Variants in CHST11 observed in about 807,000 individuals in gnomAD.
The protein encoded by CHST11 is carbohydrate sulfotransferase 11.
In CHST11, 9 loss-of-function variants were observed where a neutral mutation model predicts 30.4. That is an observed-to-expected ratio of 0.30 (90% CI 0.18 to 0.52). CHST11 has a LOEUF of 0.52. Ranked by LOEUF, CHST11 falls within the 20% of genes least tolerant of loss-of-function variation. CHST11 has a pLI of 0.97. For synonymous variants in CHST11, 152 were observed against 187.8 expected (o/e 0.81, Z 1.56); for missense variants, 348 against 460.6 (o/e 0.76, Z 2.24).
rs911831775 is a variant in CHST11 at position 104,691,777 on chromosome 12, C to T, written c.205-65172C>T. Among the ~76,000 whole-genome samples the T allele has an allele frequency of 3.9e-5, 6 of 152,140 alleles. No homozygotes were observed. In the South Asian group the frequency reaches 6.2e-4, roughly 16 times the overall value. On this transcript the variant is annotated intron_variant, in intron 2 of 2. Coordinates refer to ENST00000303694, the MANE Select transcript of CHST11 (RefSeq NM_018413.6). ...TGCTGGGATTATGGGCGTGAGCCAC[C>T]GCCCCCAGCCTAGAGGCACAATTTA...
intron 2 of CHST11, among the ~76,000 whole-genome samples, chr12:104,694,630 A>C (rs1455285817): frequency 2.0e-5 from 3 of 152,162 alleles, no homozygotes; most frequent in African/African-American, 7.2e-5. Flanking sequence ...CCAGGATTCT[A>C]TCTGGGGTCA....
At chr12:104,533,878 A>C (rs1465347189) in intron 1 of CHST11, among the ~76,000 whole-genome samples, 3 of 152,240 alleles carry the variant, frequency 2.0e-5, no homozygotes, top group African/African-American at 7.2e-5. Flanking sequence ...GCTGTAGCTC[A>C]TGTCCCGTTA....
chr12:104,477,373 A>G (rs1322944227), intron 1 of CHST11, among the ~76,000 whole-genome samples: 1 of 152,158 alleles, frequency 6.6e-6, no homozygotes, highest in African/African-American at 2.4e-5. Flanking sequence ...CTCTAATAAG[A>G]ACTTCTCTCT....
chr12:104,574,764 G>A (rs990576400), intron 1 of CHST11, among the ~76,000 whole-genome samples: 4 of 151,194 alleles, frequency 2.6e-5, no homozygotes, highest in African/African-American at 4.9e-5. Context: ...TGTAAATGAC[G>A]AGTTAATGGG....
At chr12:104,637,383 GC>G (rs1384043876) in intron 2 of CHST11, among the ~76,000 whole-genome samples, 1 of 145,464 alleles carries the variant, frequency 6.9e-6, no homozygotes, top group Non-Finnish European at 1.5e-5. Context: ...TATACCTAAT[GC>G]TAAATGATGA....
At chr12:104,751,456 T>C (rs2040431067) in intron 2 of CHST11, among the ~76,000 whole-genome samples, 1 of 152,248 alleles carries the variant, frequency 6.6e-6, no homozygotes, top group Non-Finnish European at 1.5e-5. Flanking sequence ...CTTAGGGTGA[T>C]GAATACATCG....
At chr12:104,635,947 T>C (rs1022961409) in intron 2 of CHST11, among the ~76,000 whole-genome samples, 3 of 152,242 alleles carry the variant, frequency 2.0e-5, no homozygotes, top group African/African-American at 7.2e-5. Flanking sequence ...TCAACCTGTG[T>C]AGTTTTCATT....
intron 1 of CHST11, among the ~76,000 whole-genome samples, chr12:104,491,895 C>G (rs1488550114): frequency 2.6e-5 from 4 of 152,148 alleles, no homozygotes; most frequent in African/African-American, 9.7e-5. Flanking sequence ...GTGACCTGCC[C>G]CCTACCACCT....
intron 2 of CHST11, among the ~76,000 whole-genome samples, chr12:104,755,917 C>G (rs886750155): frequency 6.6e-6 from 1 of 152,050 alleles, no homozygotes; most frequent in African/African-American, 2.4e-5. Context: ...CGGGACCCCC[C>G]CCTCCGGTTA....
chr12:104,527,181 T>C (rs2038134571), intron 1 of CHST11, among the ~76,000 whole-genome samples: 1 of 152,202 alleles, frequency 6.6e-6, no homozygotes, highest in African/African-American at 2.4e-5. Flanking sequence ...TTAGGGTGGA[T>C]ACTAATCCAG....
intron 2 of CHST11, among the ~76,000 whole-genome samples, chr12:104,707,079 C>T (rs2040042858): frequency 6.6e-6 from 1 of 152,194 alleles, no homozygotes; most frequent in African/African-American, 2.4e-5. Context: ...AGAAGTCCTC[C>T]CAGACCAGCC....
chr12:104,544,769 T>TCCCCCCCCCCCCCGCCCCCC (rs199741884), intron 1 of CHST11, among the ~76,000 whole-genome samples: 1 of 51,414 alleles, frequency 1.9e-5, no homozygotes, highest in African/African-American at 5.3e-5. Context: ...GGGGTCACAG[T>TCCCCCCCCCCCCCGCCCCCC]CCCCCCACCC....
At chr12:104,682,537 G>C (rs1171214533) in intron 2 of CHST11, among the ~76,000 whole-genome samples, 1 of 152,236 alleles carries the variant, frequency 6.6e-6, no homozygotes, top group Admixed American at 6.5e-5. Context: ...ATTGATATCA[G>C]TTGACTCCTG....
intron 2 of CHST11, among the ~76,000 whole-genome samples, chr12:104,697,741 TG>T (rs533282454): frequency 3.3e-5 from 5 of 152,224 alleles, no homozygotes; most frequent in Non-Finnish European, 7.3e-5. Context: ...AGAAGTGGCA[TG>T]ACCTGCCCAT....
At chr12:104,594,556 C>T (rs1049182854) in intron 1 of CHST11, among the ~76,000 whole-genome samples, 3 of 152,206 alleles carry the variant, frequency 2.0e-5, no homozygotes, top group African/African-American at 7.2e-5. Context: ...TCTCCCCCAT[C>T]CCCGCTTTTA....
At chr12:104,498,452 G>A (rs2037821722) in intron 1 of CHST11, among the ~76,000 whole-genome samples, 1 of 152,170 alleles carries the variant, frequency 6.6e-6, no homozygotes, top group Non-Finnish European at 1.5e-5. Context: ...CTAGATTTTA[G>A]GGGAATTTTA....
rs75424239 is a variant in CHST11 at position 104,743,041 on chromosome 12, C to T, written c.205-13908C>T. Among the ~76,000 whole-genome samples, 1,166 of 152,288 alleles carry T rather than the reference C, an allele frequency of 7.7e-3. 14 individuals are homozygous for T. Among genetic ancestry groups the T allele is most frequent in the African/African-American group, 0.026 (1,088 of 41,548 alleles). ...AGGAAGCCCACGAGGCCTCATTGGCCGTCTTGTGACCCGAACAATCCCTGC... is the reference window on the plus strand; with the variant it reads ...AGGAAGCCCACGAGGCCTCATTGGCTGTCTTGTGACCCGAACAATCCCTGC... On this transcript the variant is annotated intron_variant, in intron 2 of 2. Coordinates refer to ENST00000303694, the MANE Select transcript of CHST11 (RefSeq NM_018413.6).
chr12:104,598,943 G>T (rs1566002142), intron 1 of CHST11, among the ~76,000 whole-genome samples: 1 of 151,340 alleles, frequency 6.6e-6, no homozygotes, highest in Non-Finnish European at 1.5e-5. Context: ...CAGTCTCGAG[G>T]CTCAGCTTGG....
intron 2 of CHST11, among the ~76,000 whole-genome samples, chr12:104,634,771 G>A (rs1169113829): frequency 2.0e-5 from 3 of 152,106 alleles, no homozygotes; most frequent in Admixed American, 6.6e-5. Context: ...CAGGGCTAGT[G>A]GCTTCCTACT....
Sources: allele counts gnomAD v4.1 joint callset (sites outside exome capture counted in the v4.1 genomes callset), GRCh38; gene constraint gnomAD v4.1.1; transcripts MANE v1.5; gene names NCBI Gene and HGNC (gene_info 2026-07-23, HGNC 2026-07-21).